PTK2B: variants seen among roughly 807,000 people sequenced by gnomAD.
The protein encoded by PTK2B is protein tyrosine kinase 2 beta, also known as protein-tyrosine kinase 2-beta.
PTK2B carries 71 observed loss-of-function variants against 142.9 expected under a neutral mutation model. The observed-to-expected ratio is 0.50, with a 90% confidence interval of 0.41 to 0.61. The LOEUF is 0.61. PTK2B is among the 20% of genes least tolerant of loss of function. The pLI is 0.00. For synonymous variants in PTK2B, 519 were observed against 503.4 expected, an observed-to-expected ratio of 1.03 and a Z score of -0.42; for missense variants, 1,105 against 1,320.4, an observed-to-expected ratio of 0.84 and a Z score of 2.53.
intron 2 of PTK2B, among the ~76,000 whole-genome samples, chr8:27,312,639 G>C (rs758932549): frequency 6.6e-6 from 1 of 152,244 alleles, no homozygotes; most frequent in South Asian, 2.1e-4. Context: ...CTCAAAAGCA[G>C]AAATTTTTCT....
intron 1 of PTK2B, among the ~76,000 whole-genome samples, chr8:27,360,669 G>A (rs1586158680): frequency 1.3e-5 from 2 of 152,182 alleles, no homozygotes; most frequent in East Asian, 1.9e-4. Flanking sequence ...GGGGTACGAT[G>A]CCCCAATACA....
At chr8:27,365,694 A>C (rs763275791) in intron 1 of PTK2B, among the ~76,000 whole-genome samples, 1 of 152,200 alleles carries the variant, frequency 6.6e-6, no homozygotes, top group Non-Finnish European at 1.5e-5. Context: ...GTCACCACTC[A>C]TTAAAAATAC....
chr8:27,450,754 G>A lies in PTK2B; in HGVS notation c.2346G>A (p.Glu782=). 2 of 1,614,186 alleles carry A rather than the reference G, an allele frequency of 1.2e-6. No individual in the cohort carries two copies. Among genetic ancestry groups the A allele is most frequent in the Non-Finnish European group, 1.7e-6 (2 of 1,180,026 alleles). Residue 782 remains glutamate (E), a synonymous_variant, in exon 25 of 31, where the codon GAG becomes GAA. Transcript: ENST00000346049. ...NVFKRHSMRE[E]DFIQPSSREE... is the part of the protein sequence containing the mutation. ...TCTCTCTGCCGTCCTCCCAGGAGGA[G>A]GACTTCATCCAACCCAGCAGCCGAG... is the stretch of plus-strand genomic sequence containing the variant.
intron 1 of PTK2B, among the ~76,000 whole-genome samples, chr8:27,385,248 C>A (rs1807276422): frequency 6.6e-6 from 1 of 152,176 alleles, no homozygotes; most frequent in South Asian, 2.1e-4. Flanking sequence ...TGCTGTTTCT[C>A]AGAAGTGAGC....
At chr8:27,396,048 C>T (rs527780616) in intron 1 of PTK2B, 1 of 152,248 alleles carries the variant, frequency 6.6e-6, no homozygotes, top group South Asian at 2.1e-4. Context: ...ATATTCTTCT[C>T]TCCATAGGTC....
intron 9 of PTK2B, among the ~76,000 whole-genome samples, chr8:27,431,731 C>T (rs913834762): frequency 6.6e-6 from 1 of 152,224 alleles, no homozygotes; most frequent in African/African-American, 2.4e-5. Context: ...AATGATTACT[C>T]GCAGAGCTCA....
upstream of PTK2B, chr8:27,311,260 C>G: frequency 6.8e-7 from 1 of 1,478,208 alleles, no homozygotes; most frequent in Non-Finnish European, 9.0e-7. Flanking sequence ...GCTCGGGCGC[C>G]CGGAACTTTT....
At chr8:27,377,460 C>T (rs1806741830) in intron 1 of PTK2B, among the ~76,000 whole-genome samples, 2 of 152,212 alleles carry the variant, frequency 1.3e-5, no homozygotes, top group Non-Finnish European at 2.9e-5. Flanking sequence ...CATGACAGAG[C>T]TCCAGAAATG....
At chr8:27,391,537 G>C (rs751156706) in intron 1 of PTK2B, among the ~76,000 whole-genome samples, 2 of 152,188 alleles carry the variant, frequency 1.3e-5, no homozygotes, top group African/African-American at 4.8e-5. Context: ...GTCTTCAAAG[G>C]CAAGAGTTAA....
At chr8:27,390,485 A>G (rs987728457) in intron 1 of PTK2B, among the ~76,000 whole-genome samples, 2 of 152,036 alleles carry the variant, frequency 1.3e-5, no homozygotes, top group African/African-American at 2.4e-5. Flanking sequence ...AAATAAAAAT[A>G]AAAAATTGAA....
At chr8:27,371,453 GCT>G (rs1479896661) in intron 1 of PTK2B, among the ~76,000 whole-genome samples, 8 of 151,982 alleles carry the variant, frequency 5.3e-5, no homozygotes, top group African/African-American at 1.9e-4. Context: ...CCATTTCTTA[GCT>G]CTGTTACCTT....
intron 21 of PTK2B, among the ~76,000 whole-genome samples, chr8:27,441,484 A>T (rs1586336109): frequency 2.0e-5 from 3 of 152,150 alleles, no homozygotes; most frequent in Non-Finnish European, 4.4e-5. Flanking sequence ...TGTAGTCAAC[A>T]TGTTGCCTTG....
At chr8:27,454,373 G>T in intron 29 of PTK2B, 82 bp downstream of exon 29, 1 of 1,569,008 alleles carries the variant, frequency 6.4e-7, no homozygotes, top group Non-Finnish European at 8.7e-7. Flanking sequence ...CCTGTTGGCT[G>T]GCCCAGCAGA....
chr8:27,330,300 C>T (rs527634763), intron 1 of PTK2B, among the ~76,000 whole-genome samples: 1 of 152,162 alleles, frequency 6.6e-6, no homozygotes, highest in Non-Finnish European at 1.5e-5. Context: ...TCTGAGCTGG[C>T]GGGGCAGCAC....
At chr8:27,382,647 C>G (rs1443315900) in intron 1 of PTK2B, among the ~76,000 whole-genome samples, 1 of 152,060 alleles carries the variant, frequency 6.6e-6, no homozygotes. Flanking sequence ...GACCAATGTC[C>G]CGAAGGATTT....
intron 1 of PTK2B, among the ~76,000 whole-genome samples, chr8:27,379,387 G>A (rs1418461810): frequency 6.6e-6 from 1 of 152,034 alleles, no homozygotes; most frequent in Non-Finnish European, 1.5e-5. Flanking sequence ...CCACCATGCC[G>A]GGGTCTTTTT....
intron 1 of PTK2B, among the ~76,000 whole-genome samples, chr8:27,383,713 TCTCA>T (rs1224386824): frequency 6.6e-6 from 1 of 152,176 alleles, no homozygotes; most frequent in Non-Finnish European, 1.5e-5. Context: ...TTAGATAAGG[TCTCA>T]CTCTGTTGCC....
chr8:27,418,416 CCTT>C (rs1430713391), intron 2 of PTK2B, among the ~76,000 whole-genome samples: 5 of 152,164 alleles, frequency 3.3e-5, no homozygotes, highest in Non-Finnish European at 4.4e-5. Flanking sequence ...TAATATGCCT[CCTT>C]CTTTTCATTC....
At chr8:27,357,536 G>A (rs531660274) in intron 1 of PTK2B, among the ~76,000 whole-genome samples, 3 of 152,332 alleles carry the variant, frequency 2.0e-5, no homozygotes, top group African/African-American at 4.8e-5. Context: ...CCGCTATCAG[G>A]AGCATCATTT....
Sources: allele counts gnomAD v4.1 joint callset (sites outside exome capture counted in the v4.1 genomes callset), GRCh38; gene constraint gnomAD v4.1.1; transcripts MANE v1.5; gene names NCBI Gene and HGNC (gene_info 2026-07-23, HGNC 2026-07-21).